MYPN: variants seen among roughly 807,000 people sequenced by gnomAD.
The protein encoded by MYPN is sarcomeric protein myopalladin, 145 kDa (MYOP).
MYPN carries 63 observed loss-of-function variants against 129.4 expected under a neutral mutation model. The ratio of observed to expected loss-of-function variants is 0.49; its 90% CI spans 0.40 to 0.60. The LOEUF is 0.60. MYPN is among the 20% of genes least tolerant of loss of function. The probability of loss-of-function intolerance (pLI) is 0.00; values close to 1 mark genes in which losing one functional copy is unlikely to be tolerated. For missense variants in MYPN, 1,596 were observed against 1,635.4 expected (o/e 0.98, Z 0.42); for synonymous variants, 629 against 600.9 (o/e 1.05, Z -0.68).
chr10:68,186,518 C>G (rs1023329174), intron 12 of MYPN, among the ~76,000 whole-genome samples: 2 of 152,152 alleles, frequency 1.3e-5, no homozygotes, highest in African/African-American at 4.8e-5. Flanking sequence ...CTCCATAGAG[C>G]TCCCCTAAAT....
intron 19 of MYPN, among the ~76,000 whole-genome samples, chr10:68,207,181 C>G (rs2043831304): frequency 6.6e-6 from 1 of 152,054 alleles, no homozygotes; most frequent in Non-Finnish European, 1.5e-5. Flanking sequence ...TTGGTTGAAC[C>G]CAGGAGGCAG....
rs876657922 is a variant in MYPN, at chr10:68,174,535, A to C, written c.2443A>C (p.Ile815Leu). The C allele has an allele frequency of 1.2e-6, 2 of 1,613,890 alleles. No individual in the cohort carries two copies. Among genetic ancestry groups the C allele is most frequent in the South Asian group, 2.2e-5 (2 of 91,074 alleles). ...NQFQPRCVSP[I>L]PVSPTSRIQN... ...GTTTCAGCCCCGCTGTGTGTCCCCA[A>C]TTCCTGTCTCTCCTACCAGCCGGAT... Residue 815 changes from isoleucine (I) to leucine (L), a missense_variant, in exon 11 of 20, where the codon ATT becomes CTT. Physicochemically the swap from Ile to Leu is conservative, Grantham distance 5 (BLOSUM62 2). Transcript: ENST00000358913.
intron 12 of MYPN, among the ~76,000 whole-genome samples, chr10:68,183,916 G>A (rs1900015): frequency 0.61 from 92,293 of 152,016 alleles, 29,970 homozygotes; most frequent in Non-Finnish European, 0.72. Context: ...CTGCTACTTG[G>A]GAGGCCAAGA....
chr10:68,097,777 TA>T (rs10588010), intron 1 of MYPN, among the ~76,000 whole-genome samples: 26,659 of 149,270 alleles, frequency 0.18, 2,655 homozygotes, highest in Middle Eastern at 0.25. Flanking sequence ...ATAGCTGATT[TA>T]AAAAAAAAAA....
In MYPN at chr10:68,122,109, T is replaced by C. The variant is rs1554839341; in HGVS notation, c.671T>C (p.Val224Ala). 2.5e-6 allele frequency: 4 copies of C among 1,614,124 alleles called. No individual in the cohort carries two copies. The highest frequency in any genetic ancestry group is 3.4e-6 in the Non-Finnish European group (4 of 1,180,014). Residue 224 changes from valine (V) to alanine (A), a missense_variant, in exon 2 of 20, where the codon GTG (valine) becomes GCG (alanine). By Grantham distance (64) the Val-to-Ala change is moderately conservative. Coordinates refer to ENST00000358913, the MANE Select transcript of MYPN (RefSeq NM_032578.4). ...PIPADTRDNE[V>A]NHALEQQEAK... ...CCTGCGGATACCAGGGATAATGAAGTGAATCACGCCCTGGAACAGCAGGAA... is the reference window on the plus strand; with the variant it reads ...CCTGCGGATACCAGGGATAATGAAGCGAATCACGCCCTGGAACAGCAGGAA...
Position 68,158,746 on chromosome 10 carries a change from C to A in MYPN, c.1459+119C>A, listed in dbSNP as rs1440562801. The A allele has an allele frequency of 5.4e-6, 4 of 743,564 alleles. No individual in the cohort carries two copies. The Admixed American group carries it at 1.1e-4, about 21-fold the overall frequency. 46.1% of individuals were successfully genotyped at this position (743,564 alleles called of 1,614,324 possible). On this transcript the variant is annotated intron_variant, in intron 7 of 19. Transcript: ENST00000358913. ...ATATAGTCAAAAAGAATAAAAAACA[C>A]CTGTAATCATACTCCTGTTAATATT...
chr10:68,139,401 C>T (rs184947417), intron 2 of MYPN, among the ~76,000 whole-genome samples: 27 of 152,224 alleles, frequency 1.8e-4, no homozygotes, highest in Admixed American at 1.1e-3. Flanking sequence ...TTCCACCTTC[C>T]GAGAGTTTTG....
chr10:68,169,154 G>A (rs2043102246), intron 10 of MYPN, among the ~76,000 whole-genome samples: 1 of 140,334 alleles, frequency 7.1e-6, no homozygotes, highest in African/African-American at 2.8e-5. Context: ...GACCATCCTG[G>A]TTAACACGGT....
rs754754810 is a variant in MYPN, at chr10:68,121,517, C to A, written c.79C>A (p.Arg27=). Residue 27 remains arginine, a synonymous_variant, in exon 2 of 20, where the codon CGG becomes AGG. Coordinates refer to ENST00000358913, the MANE Select transcript of MYPN (RefSeq NM_032578.4). ...GAGCTATTTAGCTGAAACCAGACAT[C>A]GGGGAAACAATGAGAGGAGTCGAGC... ...RESYLAETRH[R]GNNERSRAEP... is the part of the protein sequence containing the mutation. The A allele has an allele frequency of 1.9e-6, 3 of 1,614,166 alleles. No individual in the cohort carries two copies. The highest frequency in any genetic ancestry group is 2.5e-6 in the Non-Finnish European group (3 of 1,180,020).
intron 6 of MYPN, among the ~76,000 whole-genome samples, chr10:68,157,388 T>C (rs1424773303): frequency 6.6e-6 from 1 of 152,132 alleles, no homozygotes; most frequent in Non-Finnish European, 1.5e-5. Flanking sequence ...ACCAGTTACT[T>C]GGGCCATAGA....
chr10:68,141,967 C>A (rs974386498), intron 2 of MYPN, among the ~76,000 whole-genome samples: 4 of 152,160 alleles, frequency 2.6e-5, no homozygotes, highest in African/African-American at 4.8e-5. Flanking sequence ...CTGCATCAGT[C>A]CCCTGAGGAT....
At chr10:68,174,928 T>C (rs2043203581) in intron 11 of MYPN, among the ~76,000 whole-genome samples, 1 of 151,954 alleles carries the variant, frequency 6.6e-6, no homozygotes, top group South Asian at 2.1e-4. Flanking sequence ...TGAGTTCTGG[T>C]GTTTGACAGC....
At chr10:68,119,765 A>G (rs1033960521) in intron 1 of MYPN, among the ~76,000 whole-genome samples, 23 of 152,206 alleles carry the variant, frequency 1.5e-4, no homozygotes, top group Non-Finnish European at 2.5e-4. Flanking sequence ...CTTCATCCAA[A>G]TAAGTAGCTC....
intron 12 of MYPN, among the ~76,000 whole-genome samples, chr10:68,185,436 G>A (rs907467639): frequency 5.3e-5 from 8 of 152,092 alleles, no homozygotes; most frequent in African/African-American, 1.7e-4. Flanking sequence ...CCTCCAGGGT[G>A]GGTGCCATCC....
Position 68,121,480 on chromosome 10 carries a change from G to A in MYPN, c.42G>A (p.Gln14=), listed in dbSNP as rs760916544. Residue 14 remains glutamine, a synonymous_variant, in exon 2 of 20, where the codon CAG becomes CAA. Coordinates refer to ENST00000358913, the MANE Select transcript of MYPN (RefSeq NM_032578.4). ...TAGAAGCTTCTACTTCCATATCTCA[G>A]CTTCTAAGAGAGAGCTATTTAGCTG... ...DSIEASTSIS[Q]LLRESYLAET... The A allele has an allele frequency of 4.3e-5, 69 of 1,613,662 alleles. No individual in the cohort carries two copies. Among genetic ancestry groups the A allele is most frequent in the Non-Finnish European group, 5.6e-5 (66 of 1,179,678 alleles).
intron 2 of MYPN, among the ~76,000 whole-genome samples, chr10:68,134,124 C>T (rs2042450243): frequency 6.6e-6 from 1 of 152,092 alleles, no homozygotes; most frequent in Non-Finnish European, 1.5e-5. Flanking sequence ...TTAACATTAA[C>T]AACAAAACTA....
intron 1 of MYPN, among the ~76,000 whole-genome samples, chr10:68,093,750 C>G (rs2041942374): frequency 6.6e-6 from 1 of 150,486 alleles, no homozygotes; most frequent in African/African-American, 2.5e-5. Flanking sequence ...GAGCGAGACT[C>G]CGTCTCAAAA....
At chr10:68,152,727 C>G (rs538255346) in intron 6 of MYPN, among the ~76,000 whole-genome samples, 4 of 152,260 alleles carry the variant, frequency 2.6e-5, no homozygotes, top group African/African-American at 7.2e-5. Context: ...CCTTGGCCCC[C>G]CCGGGTTTAA....
At chr10:68,161,850 A>T in intron 8 of MYPN, 98 bp downstream of exon 8, 1 of 1,039,648 alleles carries the variant, frequency 9.6e-7, no homozygotes. Context: ...AAAAGTGAAA[A>T]ATAAAGTTTT....
Sources: gnomAD v4.1 joint callset for allele counts (sites outside exome capture counted in the v4.1 genomes callset) on GRCh38, gnomAD v4.1.1 for gene constraint, MANE v1.5 for transcripts, NCBI Gene and HGNC (gene_info 2026-07-23, HGNC 2026-07-21) for gene names.